Variants in RNF170 observed in about 807,000 individuals in gnomAD.
The protein encoded by RNF170 is E3 ubiquitin-protein ligase RNF170.
RNF170 carries 12 observed loss-of-function variants against 32.7 expected under a neutral mutation model. The ratio of observed to expected loss-of-function variants is 0.37; its 90% CI spans 0.24 to 0.60. RNF170 has a LOEUF of 0.60. RNF170 is among the 20% of genes least tolerant of loss of function. The pLI, the probability that RNF170 is intolerant of heterozygous loss-of-function variation, is 0.72. For synonymous variants in RNF170, 91 were observed against 103.6 expected, an observed-to-expected ratio of 0.88 and a Z score of 0.74; for missense variants, 212 against 311.2, an observed-to-expected ratio of 0.68 and a Z score of 2.40.
downstream of RNF170, among the ~76,000 whole-genome samples, chr8:42,853,094 C>T (rs1393791747): frequency 1.3e-5 from 2 of 151,854 alleles, no homozygotes; most frequent in Admixed American, 6.6e-5. Context: ...ACACTGCACT[C>T]CAACCTGGGC....
At chr8:42,870,570 T>C (rs1272349729) in intron 3 of RNF170, among the ~76,000 whole-genome samples, 1 of 151,332 alleles carries the variant, frequency 6.6e-6, no homozygotes, top group African/African-American at 2.4e-5. Flanking sequence ...CTACAAAAAA[T>C]AGAAAAATTA....
intron 2 of RNF170, among the ~76,000 whole-genome samples, chr8:42,882,963 T>C (rs1315132681): frequency 6.6e-6 from 1 of 151,794 alleles, no homozygotes; most frequent in Non-Finnish European, 1.5e-5. Context: ...AATGGGAGGC[T>C]GAGGCGAGAG....
Position 42,869,989 on chromosome 8 carries a change from G to A in RNF170, c.322+15C>T, listed in dbSNP as rs1586509717. The A allele has an allele frequency of 1.3e-6, 2 of 1,578,606 alleles. No homozygotes were observed. Among genetic ancestry groups the A allele is most frequent in the Non-Finnish European group, 1.7e-6 (2 of 1,147,884 alleles). On this transcript the variant is annotated intron_variant, in intron 4 of 6. Transcript: ENST00000527424. ...TACACAGTCACTTTTCCCAAGTATA[G>A]CGTTGTTTGCTTACCACAAAAAAGA...
intron 2 of RNF170, among the ~76,000 whole-genome samples, chr8:42,880,598 C>G (rs1217165126): frequency 1.3e-5 from 2 of 152,122 alleles, no homozygotes; most frequent in Non-Finnish European, 2.9e-5. Context: ...GGTGAAACCC[C>G]ATCTCTATTA....
chr8:42,867,689 T>C (rs1804204444), intron 4 of RNF170, among the ~76,000 whole-genome samples: 1 of 138,960 alleles, frequency 7.2e-6, no homozygotes, highest in Non-Finnish European at 1.5e-5. Flanking sequence ...GGCAGGAGAA[T>C]GGTGTGAACC....
chr8:42,883,570 G>GAAAAAAAAAAAAAAA (rs34475440), intron 2 of RNF170, among the ~76,000 whole-genome samples: 2 of 43,736 alleles, frequency 4.6e-5, no homozygotes, highest in Non-Finnish European at 8.2e-5. Flanking sequence ...CTCTGTCTCA[G>GAAAAAAAAAAAAAAA]AAAAAAAAAA....
At chr8:42,897,231 G>A (rs1231577625), upstream of RNF170, 3 of 1,200,928 alleles carry the variant, frequency 2.5e-6, no homozygotes, top group Admixed American at 4.2e-5. Context: ...CCCTCCCCCC[G>A]CCACCTACCG....
intron 2 of RNF170, among the ~76,000 whole-genome samples, chr8:42,883,431 T>C (rs1032507754): frequency 8.5e-5 from 13 of 152,054 alleles, no homozygotes; most frequent in African/African-American, 3.1e-4. Flanking sequence ...TAGCCAGGCA[T>C]GGTGGCGCGT....
Position 42,855,379 on chromosome 8 carries a change from T to A in RNF170, c.*780A>T, listed in dbSNP as rs999132471. 3 of 657,382 alleles carry A rather than the reference T, an allele frequency of 4.6e-6. No homozygotes were observed. Among genetic ancestry groups the A allele is most frequent in the Non-Finnish European group, 4.5e-6 (2 of 441,138 alleles). The allele number at this position is 657,382 out of a possible 1,614,324, so 40.7% of individuals were successfully genotyped here. On this transcript the variant is annotated 3_prime_UTR_variant, in exon 7 of 7. Coordinates refer to ENST00000527424, the MANE Select transcript of RNF170 (RefSeq NM_030954.4). ...GGCGCCTGCCACCACGCCTGGCTAA[T>A]TTTTTGTATTTTTAGTAGAGACGGG...
In RNF170 at chr8:42,854,631, T is replaced by A. The variant is rs1397778308; in HGVS notation, c.*1528A>T. The A allele has an allele frequency of 7.8e-7, 1 of 1,286,964 alleles. No homozygotes were observed. Among genetic ancestry groups the A allele is most frequent in the Admixed American group, 2.3e-5 (1 of 43,552 alleles). The allele number at this position is 1,286,964 out of a possible 1,614,324, so 79.7% of individuals were successfully genotyped here. ...CTCATTAATTGGTAGCTGATCTGAT[T>A]AGCTAGAGAGAATGTGACAGATTTT... On this transcript the variant is annotated 3_prime_UTR_variant, in exon 7 of 7. Transcript: ENST00000527424.
Position 42,856,294 on chromosome 8 carries a change from T to A in RNF170, c.642A>T (p.Ile214=). 6.3e-7 allele frequency: 1 copy of A among 1,587,200 alleles called. No individual in the cohort carries two copies. Residue 214 remains isoleucine (I), a synonymous_variant, in exon 7 of 7, where the codon ATA becomes ATT. Transcript: ENST00000527424. The stretch of plus-strand genomic sequence containing the variant: ...CTTCAGGTACAAAATCTAGAGGTGA[T>A]ATAAGATAGAAAAAAGCTCCCATTA... The part of the protein sequence containing the change: ...LCLMGAFFYL[I]SPLDFVPEAL...
intron 1 of RNF170, among the ~76,000 whole-genome samples, chr8:42,890,605 A>G (rs952715429): frequency 2.0e-5 from 3 of 152,130 alleles, no homozygotes; most frequent in Admixed American, 6.5e-5. Flanking sequence ...ATATTGCTTC[A>G]TGTACATTTC....
chr8:42,856,300 A>G lies in RNF170; in HGVS notation c.636T>C (p.Tyr212=). ...GTACAAAATCTAGAGGTGATATAAG[A>G]TAGAAAAAAGCTCCCATTAAACAAA... ...IILCLMGAFF[Y]LISPLDFVPE... The change falls in exon 7 of 7, where the codon TAT becomes TAC. Residue 212 remains tyrosine, a synonymous_variant. Coordinates refer to ENST00000527424, the MANE Select transcript of RNF170 (RefSeq NM_030954.4). The G allele has an allele frequency of 6.3e-7, 1 of 1,585,852 alleles. No individual in the cohort carries two copies. Among genetic ancestry groups the G allele is most frequent in the Non-Finnish European group, 8.5e-7 (1 of 1,171,722 alleles).
rs778375959 is a variant in RNF170 at position 42,854,717 on chromosome 8, T to C, written c.*1442A>G. The C allele has an allele frequency of 1.2e-5, 16 of 1,287,480 alleles. No individual in the cohort carries two copies. The highest frequency in any genetic ancestry group is 1.6e-5 in the Non-Finnish European group (16 of 988,688). 79.8% of individuals were successfully genotyped at this position (1,287,480 alleles called of 1,614,324 possible). ...CTAATAAATTAATGGATGATATTAATAGCAGTGATCTCAGATGACAATGCT... is the reference window on the plus strand; with the variant it reads ...CTAATAAATTAATGGATGATATTAACAGCAGTGATCTCAGATGACAATGCT... On this transcript the variant is annotated 3_prime_UTR_variant, in exon 7 of 7. Transcript: ENST00000527424.
intron 6 of RNF170, 136 bp from the exon 7 acceptor site, chr8:42,856,564 T>C (rs971410429): frequency 1.8e-5 from 12 of 652,912 alleles, no homozygotes; most frequent in Non-Finnish European, 2.8e-5. Flanking sequence ...TATTTTCTAA[T>C]TATGTGTTGT....
chr8:42,895,315 C>T (rs1806696998), intron 1 of RNF170, among the ~76,000 whole-genome samples: 1 of 152,060 alleles, frequency 6.6e-6, no homozygotes, highest in Non-Finnish European at 1.5e-5. Flanking sequence ...AAACCACCAT[C>T]AACAACAACA....
chr8:42,874,181 G>GATC (rs1804734195), intron 2 of RNF170, among the ~76,000 whole-genome samples, 175 bp from the exon 3 acceptor site: 1 of 152,142 alleles, frequency 6.6e-6, no homozygotes, highest in Admixed American at 6.5e-5. Context: ...GTTCTTCTGA[G>GATC]ATCACTGATC....
In RNF170 at chr8:42,856,025, T is replaced by C; in HGVS notation, c.*134A>G. ...AGGTATTTGTCAAATGATAATCAAA[T>C]GTTTGTCTTATAGTGGTTTTATATT... On this transcript the variant is annotated 3_prime_UTR_variant, in exon 7 of 7. Coordinates refer to ENST00000527424, the MANE Select transcript of RNF170 (RefSeq NM_030954.4). The C allele has an allele frequency of 6.4e-7, 1 of 1,555,370 alleles. No homozygotes were observed. The highest frequency in any genetic ancestry group is 8.7e-7 in the Non-Finnish European group (1 of 1,151,078).
chr8:42,860,278 G>A (rs1803560040), intron 6 of RNF170, among the ~76,000 whole-genome samples: 1 of 152,296 alleles, frequency 6.6e-6, no homozygotes, highest in African/African-American at 2.4e-5. Context: ...TTCTAAGAAT[G>A]TGTTAGATTT....
Sources: gnomAD v4.1 joint callset for allele counts (sites outside exome capture counted in the v4.1 genomes callset) on GRCh38, gnomAD v4.1.1 for gene constraint, MANE v1.5 for transcripts, NCBI Gene and HGNC (gene_info 2026-07-23, HGNC 2026-07-21) for gene names.